Variants in HTN1 observed in about 807,000 individuals in gnomAD.
The protein encoded by HTN1 is histatin 1, also known as histatin-1.
HTN1 carries 18 observed loss-of-function variants against 11.2 expected under a neutral mutation model. The observed-to-expected ratio is 1.61, with a 90% CI of 1.12 to 2.39. The LOEUF (loss-of-function observed/expected upper bound fraction) is 2.39, where lower values mean the gene tolerates loss of function less well. Ranked by LOEUF, HTN1 falls within the 30% of genes most tolerant of loss-of-function variation. The probability of loss-of-function intolerance (pLI) is 0.00; values close to 1 mark genes in which losing one functional copy is unlikely to be tolerated. For missense variants in HTN1, 80 were observed against 67.2 expected (o/e 1.19, Z -0.67); for synonymous variants, 21 against 20.5 (o/e 1.02, Z -0.07).
At chr4:70,056,488 T>A (rs1726046975) in intron 5 of HTN1, 1 of 152,062 alleles carries the variant, frequency 6.6e-6, no homozygotes, top group Non-Finnish European at 1.5e-5. Flanking sequence ...AAAGACTTCA[T>A]GTAAAAAAAT....
intron 5 of HTN1, chr4:70,058,185 C>G (rs1345075991): frequency 6.6e-6 from 1 of 152,048 alleles, no homozygotes; most frequent in African/African-American, 2.4e-5. Flanking sequence ...AATTCCTGCT[C>G]TTTGTGATAT....
intron 5 of HTN1, 71 bp from the exon 6 acceptor site, chr4:70,058,509 A>C (rs1279780880): frequency 3.3e-5 from 5 of 152,178 alleles, no homozygotes; most frequent in Non-Finnish European, 1.5e-5. Flanking sequence ...ACTTTCTGCC[A>C]GCAAGAGTAT....
intron 2 of HTN1, among the ~76,000 whole-genome samples, chr4:70,053,703 G>A (rs1271316606): frequency 6.6e-6 from 1 of 151,916 alleles, no homozygotes; most frequent in Admixed American, 6.6e-5. Flanking sequence ...TGACCTCTTT[G>A]GAGCTCTTTC....
chr4:70,051,894 A>T (rs1245337363), intron 1 of HTN1, among the ~76,000 whole-genome samples: 4 of 152,130 alleles, frequency 2.6e-5, no homozygotes, highest in Non-Finnish European at 5.9e-5. Flanking sequence ...CTATTAATGA[A>T]TTACTTTATA....
At chr4:70,057,114 T>C (rs1726063518) in intron 5 of HTN1, 1 of 152,212 alleles carries the variant, frequency 6.6e-6, no homozygotes, top group Non-Finnish European at 1.5e-5. Context: ...CTATTTACAA[T>C]AGCAAAGACA....
chr4:70,055,438 A>T (rs1472769547), intron 4 of HTN1, 60 bp from the exon 5 acceptor site: 2 of 1,189,024 alleles, frequency 1.7e-6, no homozygotes, highest in African/African-American at 3.1e-5. Context: ...TTTTTGAGAA[A>T]CACTTGTATT....
chr4:70,054,594 C>A, intron 4 of HTN1, 144 bp downstream of exon 4: 1 of 598,136 alleles, frequency 1.7e-6, no homozygotes, highest in Non-Finnish European at 2.9e-6. Context: ...ATTTATGATG[C>A]AAAGGCAAAA....
At chr4:70,057,144 C>G (rs569545307) in intron 5 of HTN1, 1 of 152,278 alleles carries the variant, frequency 6.6e-6, no homozygotes, top group South Asian at 2.1e-4. Context: ...CCCAAATGAC[C>G]ATTAATGATA....
chr4:70,051,343 T>C (rs1268455330), intron 1 of HTN1, among the ~76,000 whole-genome samples: 1 of 152,176 alleles, frequency 6.6e-6, no homozygotes, highest in East Asian at 1.9e-4. Context: ...ATCTTACTAA[T>C]TTGTTTAACT....
intron 1 of HTN1, among the ~76,000 whole-genome samples, chr4:70,052,154 C>T (rs1338235994): frequency 6.6e-6 from 1 of 152,116 alleles, no homozygotes; most frequent in Non-Finnish European, 1.5e-5. Flanking sequence ...TTCAACTTCT[C>T]AAAGTAGATA....
At chr4:70,054,268 CTTGAATTATAAAA>C in intron 2 of HTN1, 41 bp from the exon 3 acceptor site, 1 of 1,123,752 alleles carries the variant, frequency 8.9e-7, no homozygotes, top group Non-Finnish European at 1.3e-6. Context: ...TATACTTACT[CTTGAATTATAAAA>C]TTAAAATATT....
intron 1 of HTN1, chr4:70,052,768 T>G (rs113917019): frequency 0.011 from 2,637 of 231,330 alleles, 29 homozygotes; most frequent in Middle Eastern, 0.03. Flanking sequence ...CTGGGAAATA[T>G]AGTGAGACTA....
Position 70,055,587 on chromosome 4 carries a change from G to C in HTN1, c.*18G>C. 1 of 1,434,092 alleles carries C rather than the reference G, an allele frequency of 7.0e-7. No homozygotes were observed. The highest frequency in any genetic ancestry group is 9.8e-7 in the Non-Finnish European group (1 of 1,017,850). The allele number at this position is 1,434,092 out of a possible 1,614,324, so 88.8% of individuals were successfully genotyped here. A position where few individuals can be genotyped will look rare whatever the true frequency, so the allele number is the denominator to read the frequency against. On this transcript the variant is annotated 3_prime_UTR_variant, in exon 5 of 6. Transcript: ENST00000246896. ...ACAATTGATATCCTTAGTAATCATG[G>C]GGCATGATTATAGAGGTAAGCTGAC... is the stretch of plus-strand genomic sequence containing the variant.
At chr4:70,051,052 G>A (rs1176618445) in intron 1 of HTN1, among the ~76,000 whole-genome samples, 3 of 152,056 alleles carry the variant, frequency 2.0e-5, no homozygotes, top group East Asian at 1.9e-4. Flanking sequence ...CTCTCTGATG[G>A]TGGGACCTCA....
chr4:70,057,597 A>G (rs776297385), intron 5 of HTN1: 12 of 152,210 alleles, frequency 7.9e-5, no homozygotes, highest in Admixed American at 2.0e-4. Flanking sequence ...TAGGAACTAT[A>G]GTTCCAGTTC....
intron 5 of HTN1, chr4:70,057,662 A>T (rs2109732014): frequency 6.6e-6 from 1 of 152,284 alleles, no homozygotes; most frequent in Non-Finnish European, 1.5e-5. Flanking sequence ...ATCGACAAAT[A>T]CATATTATAA....
chr4:70,054,215 T>C, intron 2 of HTN1, 107 bp from the exon 3 acceptor site: 1 of 667,112 alleles, frequency 1.5e-6, no homozygotes, highest in East Asian at 3.0e-5. Flanking sequence ...AACCAAAGAA[T>C]GCCTCCATTC....
At position 70,054,416 on chromosome 4, in the gene HTN1, C is replaced by T; in HGVS notation, c.73-5C>T. ...AATTTTTAATCTTTTCTTTTTATTT[C>T]ATAGAGACATCATGGGTATAGAAGA... On this transcript the variant is annotated splice_region_variant and splice_polypyrimidine_tract_variant and intron_variant, in intron 3 of 5. Coordinates refer to ENST00000246896, the MANE Select transcript of HTN1 (RefSeq NM_002159.4). 1 of 1,516,000 alleles carries T rather than the reference C, an allele frequency of 6.6e-7. No individual in the cohort carries two copies. Among genetic ancestry groups the T allele is most frequent in the Non-Finnish European group, 9.1e-7 (1 of 1,103,234 alleles). 93.9% of individuals were successfully genotyped at this position (1,516,000 alleles called of 1,614,324 possible).
intron 2 of HTN1, among the ~76,000 whole-genome samples, chr4:70,054,047 C>T (rs1725965950): frequency 1.3e-5 from 2 of 152,088 alleles, no homozygotes; most frequent in Admixed American, 1.3e-4. Flanking sequence ...AGTTTCCACT[C>T]TCTTATTCAC....
Sources: gnomAD v4.1 joint callset for allele counts (sites outside exome capture counted in the v4.1 genomes callset) on GRCh38, gnomAD v4.1.1 for gene constraint, MANE v1.5 for transcripts, NCBI Gene and HGNC (gene_info 2026-07-23, HGNC 2026-07-21) for gene names.